The following FGF6 variants were observed in gnomAD, a reference collection of about 807,000 sequenced individuals.
FGF6 encodes the protein fibroblast growth factor 6, also known as FGF-6.
In FGF6, 14 loss-of-function variants were observed where a neutral mutation model predicts 18.4. That is an observed-to-expected ratio of 0.76 (90% confidence interval 0.50 to 1.19). The LOEUF (loss-of-function observed/expected upper bound fraction) is 1.19, where lower values mean the gene tolerates loss of function less well. Ranked by LOEUF, FGF6 falls within the 50% of genes most tolerant of loss-of-function variation. The pLI, the probability that FGF6 is intolerant of heterozygous loss-of-function variation, is 0.00. For missense variants in FGF6, 266 were observed against 271.6 expected (o/e 0.98, Z 0.15); for synonymous variants, 125 against 116.7 (o/e 1.07, Z -0.46).
In FGF6 at chr12:4,434,311, T is replaced by A; in HGVS notation, c.531A>T (p.Gln177His). Residue 177 changes from glutamine to histidine, a missense_variant, in exon 3 of 3, where the codon CAA (glutamine) becomes CAT (histidine). Transcript: ENST00000228837. ...NYNAYESDLY[Q>H]GTYIALSKYG... is the part of the protein sequence containing the mutation. Reference sequence around the variant, plus strand: ...ATTTGCTCAGGGCAATGTAGGTCCCTTGGTACAAGTCTGACTCGTAGGCAT... The same window carrying A: ...ATTTGCTCAGGGCAATGTAGGTCCCATGGTACAAGTCTGACTCGTAGGCAT... 1 of 1,614,180 alleles carries A rather than the reference T, an allele frequency of 6.2e-7. No individual in the cohort carries two copies.
Position 4,445,772 on chromosome 12 carries a change from C to T in FGF6, c.-202G>A, listed in dbSNP as rs192761659. 1.3e-5 allele frequency among the ~76,000 whole-genome samples: 2 copies of T among 152,282 alleles called. No individual in the cohort carries two copies. The highest frequency in any genetic ancestry group is 1.9e-4 in the East Asian group (1 of 5,184). On this transcript the variant is annotated 5_prime_UTR_variant, in exon 1 of 3. Transcript: ENST00000228837. The surrounding 1 kb of genome is among the most constrained non-coding windows in gnomAD (Gnocchi z 5.5). ...GAGCCGCGGCCGGTAGAGACCATGG[C>T]TCGGGGACGCTCTCTAGCTCGCCCG...
In FGF6 at chr12:4,445,293, C is replaced by G; in HGVS notation, c.278G>C (p.Gly93Ala). ...GAGCACCTGGAGGTGAAAGCCGATG[C>G]CCACGTTGCAGTAGAGCCTCCGCTG... ...KRQRRLYCNV[G>A]IGFHLQVLPD... The change falls in exon 1 of 3, where the codon GGC becomes GCC. Residue 93 changes from glycine (G) to alanine (A), a missense_variant. Gly to Ala is a moderately conservative substitution (Grantham distance 60). Coordinates refer to ENST00000228837, the MANE Select transcript of FGF6 (RefSeq NM_020996.3). This position sits in a 1 kb window ranked among gnomAD's most constrained non-coding sequence, Gnocchi z 5.5. The G allele has an allele frequency of 6.2e-7, 1 of 1,614,036 alleles. No individual in the cohort carries two copies. Among genetic ancestry groups the G allele is most frequent in the African/African-American group, 1.3e-5 (1 of 75,044 alleles).
intron 1 of FGF6, among the ~76,000 whole-genome samples, chr12:4,444,891 A>C (rs759506546): frequency 6.6e-6 from 1 of 152,248 alleles, no homozygotes; most frequent in African/African-American, 2.4e-5. Context: ...ATTTGATCCA[A>C]GTATACTAAC....
intron 2 of FGF6, 127 bp downstream of exon 2, chr12:4,444,006 T>G (rs750665290): frequency 4.7e-6 from 3 of 633,410 alleles, no homozygotes; most frequent in Non-Finnish European, 8.4e-6. Context: ...TTTCACAGGC[T>G]CCTCTCACAG....
chr12:4,443,351 A>G (rs1396757371), intron 2 of FGF6, among the ~76,000 whole-genome samples: 1 of 151,980 alleles, frequency 6.6e-6, no homozygotes, highest in Non-Finnish European at 1.5e-5. Flanking sequence ...TAGCTTGCTT[A>G]TTTCTGTCAA....
intron 2 of FGF6, among the ~76,000 whole-genome samples, chr12:4,443,435 C>T (rs949241440): frequency 3.3e-5 from 5 of 152,096 alleles, no homozygotes; most frequent in African/African-American, 4.8e-5. Flanking sequence ...AATGATGGGC[C>T]GAGGGCTGCA....
At position 4,445,232 on chromosome 12, in the gene FGF6, G is replaced by T. The variant is rs771210347; in HGVS notation, c.339C>A (p.Asn113Lys). The change falls in exon 1 of 3, where the codon AAC (asparagine) becomes AAA (lysine). Residue 113 changes from asparagine (N) to lysine (K), a missense_variant. Coordinates refer to ENST00000228837, the MANE Select transcript of FGF6 (RefSeq NM_020996.3). The surrounding 1 kb of genome is among the most constrained non-coding windows in gnomAD (Gnocchi z 5.5). ...DGRISGTHEE[N>K]PYSLLEISTV... ...GCTGCAGCTGGCACTCACTGTAGGG[G>T]TTCTCCTCGTGGGTCCCGCTGATCC... The T allele has an allele frequency of 6.2e-7, 1 of 1,608,430 alleles. No homozygotes were observed. Among genetic ancestry groups the T allele is most frequent in the Non-Finnish European group, 8.5e-7 (1 of 1,177,762 alleles).
chr12:4,434,420 A>T (rs533162093), intron 2 of FGF6, 29 bp from the exon 3 acceptor site: 2 of 1,612,942 alleles, frequency 1.2e-6, no homozygotes, highest in East Asian at 4.5e-5. Context: ...AACAGCAGAG[A>T]CTGGGTTACA....
In FGF6 at chr12:4,445,245, G is replaced by A; in HGVS notation, c.326C>T (p.Thr109Ile). 6.2e-7 allele frequency: 1 copy of A among 1,612,188 alleles called. No homozygotes were observed. The highest frequency in any genetic ancestry group is 1.1e-5 in the South Asian group (1 of 90,884). ...CTCACTGTAGGGGTTCTCCTCGTGG[G>A]TCCCGCTGATCCGGCCGTCGGGGAG... ...QVLPDGRISG[T>I]HEENPYSLLE... The change falls in exon 1 of 3, where the codon ACC becomes ATC. Residue 109 changes from threonine (T) to isoleucine (I), a missense_variant. Physicochemically the swap from Thr to Ile is moderately conservative, Grantham distance 89. Coordinates refer to ENST00000228837, the MANE Select transcript of FGF6 (RefSeq NM_020996.3). The surrounding 1 kb of genome is among the most constrained non-coding windows in gnomAD (Gnocchi z 5.5).
rs71583764 is a variant in FGF6, at chr12:4,445,110, G to A, written c.346+115C>T. The A allele has an allele frequency of 4.8e-3, 4,267 of 889,156 alleles. 21 individuals are homozygous for A. The highest frequency in any genetic ancestry group is 5.5e-3 in the Non-Finnish European group (3,256 of 588,256). 55.1% of individuals were successfully genotyped at this position (889,156 alleles called of 1,614,324 possible). On this transcript the variant is annotated intron_variant, in intron 1 of 2. Coordinates refer to ENST00000228837, the MANE Select transcript of FGF6 (RefSeq NM_020996.3). This position sits in a 1 kb window ranked among gnomAD's most constrained non-coding sequence, Gnocchi z 5.5. ...CGTGGAATCATCTAAGTGGTGAGCA[G>A]CATTTCTGCCCCCTTTATCGTGCAT...
At chr12:4,439,455 G>A (rs533374481) in intron 2 of FGF6, among the ~76,000 whole-genome samples, 78 of 152,316 alleles carry the variant, frequency 5.1e-4, no homozygotes, top group African/African-American at 1.4e-3. Flanking sequence ...GGAACTGAGT[G>A]ACTTGGACAA....
rs1348821582 is a variant in FGF6, at chr12:4,445,008, G to A, written c.346+217C>T. 6.6e-6 allele frequency among the ~76,000 whole-genome samples: 1 copy of A among 152,172 alleles called. No individual in the cohort carries two copies. The highest frequency in any genetic ancestry group is 2.4e-5 in the African/African-American group (1 of 41,440). The stretch of plus-strand genomic sequence containing the variant: ...TGCTGAAATAGTTAGTGCCACTGAG[G>A]ATCTAACCAAGGCGATGGCAAAGAA... On this transcript the variant is annotated intron_variant, in intron 1 of 2. Coordinates refer to ENST00000228837, the MANE Select transcript of FGF6 (RefSeq NM_020996.3). The surrounding 1 kb of genome is among the most constrained non-coding windows in gnomAD (Gnocchi z 5.5).
At chr12:4,437,399 G>A (rs17177326) in intron 2 of FGF6, among the ~76,000 whole-genome samples, 4,788 of 152,264 alleles carry the variant, frequency 0.031, 122 homozygotes, top group Middle Eastern at 0.048. Context: ...AGCTTGCATG[G>A]AAGAGCAGGA....
rs1865742929 is a variant in FGF6 at position 4,445,181 on chromosome 12, G to A, written c.346+44C>T. On this transcript the variant is annotated intron_variant, in intron 1 of 2. Transcript: ENST00000228837. The surrounding 1 kb of genome is among the most constrained non-coding windows in gnomAD (Gnocchi z 5.5). ...CCCTTCACCTTTTAGCCCTGCATGAGCCCAAACCCCCAAGCGTCCCGACTG... is the reference window on the plus strand; with the variant it reads ...CCCTTCACCTTTTAGCCCTGCATGAACCCAAACCCCCAAGCGTCCCGACTG... 6.6e-7 allele frequency: 1 copy of A among 1,524,696 alleles called. No individual in the cohort carries two copies. The highest frequency in any genetic ancestry group is 8.9e-7 in the Non-Finnish European group (1 of 1,123,640). 94.4% of individuals were successfully genotyped at this position (1,524,696 alleles called of 1,614,324 possible). A position where few individuals can be genotyped will look rare whatever the true frequency, so the allele number is the denominator to read the frequency against.
chr12:4,436,519 G>A (rs1373795185), intron 2 of FGF6, among the ~76,000 whole-genome samples: 10 of 151,988 alleles, frequency 6.6e-5, no homozygotes, highest in Non-Finnish European at 1.5e-5. Context: ...CAGCTACTCT[G>A]GAGGCTGAGG....
intron 2 of FGF6, among the ~76,000 whole-genome samples, chr12:4,442,890 TC>T (rs1204037863): frequency 6.6e-6 from 1 of 152,338 alleles, no homozygotes; most frequent in East Asian, 1.9e-4. Context: ...GCCTGCCTGT[TC>T]CTCAGAAACA....
At chr12:4,443,546 TGG>T (rs1865716822) in intron 2 of FGF6, among the ~76,000 whole-genome samples, 1 of 151,060 alleles carries the variant, frequency 6.6e-6, no homozygotes, top group Non-Finnish European at 1.5e-5. Flanking sequence ...AGGTGACCTA[TGG>T]GGGTGGGGAT....
intron 2 of FGF6, among the ~76,000 whole-genome samples, chr12:4,441,751 G>A (rs961071780): frequency 6.6e-6 from 1 of 152,160 alleles, no homozygotes; most frequent in Non-Finnish European, 1.5e-5. Context: ...CCTGGGAGAT[G>A]AGGCAGCTCC....
At chr12:4,437,574 A>G (rs1347946254) in intron 2 of FGF6, among the ~76,000 whole-genome samples, 1 of 152,248 alleles carries the variant, frequency 6.6e-6, no homozygotes, top group Non-Finnish European at 1.5e-5. Context: ...TGATTGAAAC[A>G]TTCCAAGTAA....
Sources: gnomAD v4.1 joint callset for allele counts (sites outside exome capture counted in the v4.1 genomes callset) on GRCh38, gnomAD v4.1.1 for gene constraint, Gnocchi (gnomAD v3.1) non-coding constraint, MANE v1.5 for transcripts, NCBI Gene and HGNC (gene_info 2026-07-23, HGNC 2026-07-21) for gene names.